The following ATXN1 variants were observed in gnomAD, a reference collection of about 807,000 sequenced individuals.
ATXN1 encodes the protein ataxin-1.
ATXN1 carries 8 observed loss-of-function variants against 56.4 expected under a neutral mutation model. That is an observed-to-expected ratio of 0.14 (90% CI 0.08 to 0.26). The LOEUF (loss-of-function observed/expected upper bound fraction) is 0.26, where lower values mean the gene tolerates loss of function less well. Among genes scored for constraint, ATXN1 ranks in the 10% least tolerant of loss-of-function variants. ATXN1 has a pLI of 1.00. For missense variants in ATXN1, 987 were observed against 1,106.5 expected (o/e 0.89, Z 1.53); for synonymous variants, 514 against 494.6 (o/e 1.04, Z -0.52).
At chr6:16,645,297 T>A (rs1329766597) in intron 3 of ATXN1, among the ~76,000 whole-genome samples, 1 of 152,242 alleles carries the variant, frequency 6.6e-6, no homozygotes, top group Non-Finnish European at 1.5e-5. Context: ...ACAAGTGGTT[T>A]GTCTGATGGG....
At chr6:16,597,819 A>G (rs1013404748) in intron 3 of ATXN1, among the ~76,000 whole-genome samples, 1 of 152,224 alleles carries the variant, frequency 6.6e-6, no homozygotes, top group African/African-American at 2.4e-5. Flanking sequence ...CTCCCAGCAT[A>G]GGCTAAAGTT....
In ATXN1 at chr6:16,306,433, GT is replaced by G; in HGVS notation, c.2343del (p.Lys781AsnfsTer11). ...KRRWSAPESR[K>X]LEKSEDEPPL... ...GGTGGTTCGTCTTCTGACTTCTCCA[GT>G]TTGCGGCTCTCTGGCGCCGACCACC... On this transcript the variant is annotated frameshift_variant, in exon 8 of 8. Transcript: ENST00000436367. LOFTEE classifies it high-confidence loss of function. This position sits in a 1 kb window ranked among gnomAD's most constrained non-coding sequence, Gnocchi z 5.2. 6.2e-7 allele frequency: 1 copy of G among 1,614,192 alleles called. No individual in the cohort carries two copies. The highest frequency in any genetic ancestry group is 8.5e-7 in the Non-Finnish European group (1 of 1,180,040).
intron 6 of ATXN1, among the ~76,000 whole-genome samples, chr6:16,389,313 A>G (rs1427962163): frequency 7.6e-6 from 1 of 131,354 alleles, no homozygotes; most frequent in East Asian, 2.0e-4. Flanking sequence ...CTCCAGCCTG[A>G]GTGACAGAGC....
intron 6 of ATXN1, among the ~76,000 whole-genome samples, chr6:16,429,329 G>A (rs1759227077): frequency 7.0e-6 from 1 of 143,124 alleles, no homozygotes; most frequent in African/African-American, 2.6e-5. Flanking sequence ...AATATATGCA[G>A]AAATTTGACA....
intron 5 of ATXN1, among the ~76,000 whole-genome samples, chr6:16,504,993 C>CTTTTTTTTTTTTTTTTTTTTTTT (rs34197922): frequency 7.4e-6 from 1 of 135,318 alleles, no homozygotes; most frequent in Admixed American, 7.5e-5. Context: ...CTCCTGTTTC[C>CTTTTTTTTTTTTTTTTTTTTTTT]TTTTTTTTTT....
At chr6:16,347,279 G>A (rs536532366) in intron 6 of ATXN1, among the ~76,000 whole-genome samples, 1 of 152,392 alleles carries the variant, frequency 6.6e-6, no homozygotes, top group African/African-American at 2.4e-5. Context: ...GATCCACTAG[G>A]TGAAGCCAGC....
At chr6:16,434,398 C>A (rs1022600155) in intron 6 of ATXN1, among the ~76,000 whole-genome samples, 1 of 152,204 alleles carries the variant, frequency 6.6e-6, no homozygotes, top group African/African-American at 2.4e-5. Flanking sequence ...GGAAAACATT[C>A]ATCTGTGTTA....
intron 6 of ATXN1, among the ~76,000 whole-genome samples, chr6:16,340,035 C>A (rs531553117): frequency 3.3e-5 from 5 of 152,210 alleles, no homozygotes; most frequent in African/African-American, 1.2e-4. Context: ...CCCACCTCGG[C>A]CTCCCAAAGT....
At chr6:16,643,252 C>CA (rs111830296) in intron 3 of ATXN1, among the ~76,000 whole-genome samples, 6,674 of 106,384 alleles carry the variant, frequency 0.063, 195 homozygotes, top group East Asian at 0.16. Context: ...ACTCCCAACT[C>CA]AAAAAAAAAA....
At chr6:16,510,954 A>C (rs940512350) in intron 5 of ATXN1, among the ~76,000 whole-genome samples, 3 of 152,216 alleles carry the variant, frequency 2.0e-5, no homozygotes, top group Admixed American at 2.0e-4. Context: ...ACTTTAATGA[A>C]ATCGGTTGGC....
intron 4 of ATXN1, among the ~76,000 whole-genome samples, chr6:16,530,145 C>T (rs566437369): frequency 1.2e-4 from 18 of 152,154 alleles, no homozygotes; most frequent in Non-Finnish European, 1.0e-4. Flanking sequence ...AGGAAATACT[C>T]CTCTGATATT....
chr6:16,364,539 G>A (rs1761876854), intron 6 of ATXN1, among the ~76,000 whole-genome samples: 2 of 152,070 alleles, frequency 1.3e-5, no homozygotes, highest in African/African-American at 4.8e-5. Context: ...TCCTGACCTC[G>A]TGATCTGCCC....
intron 6 of ATXN1, among the ~76,000 whole-genome samples, chr6:16,441,347 C>T (rs1412670350): frequency 6.6e-6 from 1 of 151,964 alleles, no homozygotes; most frequent in East Asian, 1.9e-4. Flanking sequence ...TCCATGGAAA[C>T]AACAGAAGAC....
chr6:16,468,449 A>G (rs1475460878), intron 6 of ATXN1, among the ~76,000 whole-genome samples: 1 of 152,154 alleles, frequency 6.6e-6, no homozygotes, highest in African/African-American at 2.4e-5. Flanking sequence ...TCGGCCTCCT[A>G]AAGTGCTGGG....
At chr6:16,730,507 A>ATATATATATATATATATATATATG (rs1759950843) in intron 2 of ATXN1, among the ~76,000 whole-genome samples, 1 of 146,168 alleles carries the variant, frequency 6.8e-6, no homozygotes, top group Non-Finnish European at 1.5e-5. Context: ...ATATATATAT[A>ATATATATATATATATATATATATG]AATGTATTTA....
At chr6:16,393,808 G>A (rs1758401827) in intron 6 of ATXN1, among the ~76,000 whole-genome samples, 1 of 152,142 alleles carries the variant, frequency 6.6e-6, no homozygotes, top group Non-Finnish European at 1.5e-5. Flanking sequence ...ACGAGGTCAG[G>A]AGTTCAAGAC....
intron 3 of ATXN1, among the ~76,000 whole-genome samples, chr6:16,647,676 G>A (rs1440480047): frequency 6.6e-6 from 1 of 152,238 alleles, no homozygotes; most frequent in Non-Finnish European, 1.5e-5. Context: ...GTGAGGTGAT[G>A]AAAGTGTTAA....
chr6:16,706,019 G>C (rs727854), intron 2 of ATXN1, among the ~76,000 whole-genome samples: 36,384 of 151,630 alleles, frequency 0.24, 5,603 homozygotes, highest in East Asian at 0.64. Context: ...CCCTCTAGCG[G>C]TGTCAGGCCT....
intron 2 of ATXN1, among the ~76,000 whole-genome samples, chr6:16,660,733 T>C (rs1014616503): frequency 9.9e-5 from 15 of 152,124 alleles, no homozygotes; most frequent in African/African-American, 3.4e-4. Context: ...TATATCTTTA[T>C]TCAAAAATGC....
Sources: gnomAD v4.1 joint callset for allele counts (sites outside exome capture counted in the v4.1 genomes callset) on GRCh38, gnomAD v4.1.1 for gene constraint, Gnocchi (gnomAD v3.1) non-coding constraint, MANE v1.5 for transcripts, NCBI Gene and HGNC (gene_info 2026-07-23, HGNC 2026-07-21) for gene names.